The following CCDC171 variants were observed in gnomAD, a reference collection of about 807,000 sequenced individuals.
CCDC171 encodes the protein coiled-coil domain containing 171.
CCDC171 carries 177 observed loss-of-function variants against 168.2 expected under a neutral mutation model. The observed-to-expected ratio is 1.05, with a 90% CI of 0.93 to 1.19. The LOEUF (loss-of-function observed/expected upper bound fraction) is 1.19, where lower values mean the gene tolerates loss of function less well. Ranked by LOEUF, CCDC171 falls within the 50% of genes most tolerant of loss-of-function variation. The pLI, the probability that CCDC171 is intolerant of heterozygous loss-of-function variation, is 0.00. For synonymous variants in CCDC171, 687 were observed against 540.8 expected (o/e 1.27, Z -3.75); for missense variants, 1,991 against 1,539.0 (o/e 1.29, Z -4.91).
intron 3 of CCDC171, among the ~76,000 whole-genome samples, chr9:15,574,782 C>G (rs1172574722): frequency 6.6e-6 from 1 of 152,182 alleles, no homozygotes; most frequent in Non-Finnish European, 1.5e-5. Flanking sequence ...TCTTTAAAGA[C>G]TTCTGTAGGA....
At chr9:15,733,350 A>G (rs2054272420) in intron 16 of CCDC171, among the ~76,000 whole-genome samples, 1 of 152,096 alleles carries the variant, frequency 6.6e-6, no homozygotes, top group South Asian at 2.1e-4. Flanking sequence ...TACATGTAAG[A>G]ACTCTTTGCC....
chr9:16,107,944 T>A, the CCDC171 span, among the ~76,000 whole-genome samples: 1 of 152,138 alleles, frequency 6.6e-6, no homozygotes, highest in Non-Finnish European at 1.5e-5. Context: ...AATGTAACTA[T>A]TATAAAGTGA....
intron 23 of CCDC171, among the ~76,000 whole-genome samples, chr9:15,853,599 C>G (rs560016987): frequency 6.6e-6 from 1 of 151,524 alleles, no homozygotes; most frequent in East Asian, 1.9e-4. Flanking sequence ...TTTTTCTTAT[C>G]TAATTATCTG....
chr9:15,558,756 A>G (rs1465155508), intron 1 of CCDC171, among the ~76,000 whole-genome samples: 3 of 151,622 alleles, frequency 2.0e-5, no homozygotes, highest in Non-Finnish European at 1.5e-5. Flanking sequence ...GATCTTAGTT[A>G]TTTCTTGCCT....
intron 25 of CCDC171, among the ~76,000 whole-genome samples, chr9:15,944,486 C>A (rs1828070384): frequency 6.6e-6 from 1 of 151,874 alleles, no homozygotes; most frequent in African/African-American, 2.4e-5. Flanking sequence ...ATTGTCAGGG[C>A]CTTAAATGTG....
intron 16 of CCDC171, among the ~76,000 whole-genome samples, chr9:15,741,302 C>T (rs1016614661): frequency 2.6e-5 from 4 of 152,182 alleles, no homozygotes; most frequent in Admixed American, 6.5e-5. Context: ...TCCTTCTTCT[C>T]CTCAGCCTCT....
chr9:16,013,841 A>G (rs1409549084), intron 3 of CCDC171, among the ~76,000 whole-genome samples: 1 of 152,244 alleles, frequency 6.6e-6, no homozygotes, highest in Non-Finnish European at 1.5e-5. Flanking sequence ...TACTTTAATT[A>G]AAAATATTTT....
chr9:15,583,961 G>A (rs1229234791), intron 4 of CCDC171, among the ~76,000 whole-genome samples: 6 of 152,002 alleles, frequency 3.9e-5, no homozygotes, highest in Admixed American at 1.3e-4. Context: ...ACCGCCTCCC[G>A]GGTTCAAGCA....
chr9:15,753,179 A>G (rs1046724945), intron 18 of CCDC171, among the ~76,000 whole-genome samples: 1 of 152,154 alleles, frequency 6.6e-6, no homozygotes, highest in Non-Finnish European at 1.5e-5. Context: ...TAATGCTACA[A>G]GAATCTACAG....
chr9:15,792,236 A>G (rs1259001978), intron 21 of CCDC171, among the ~76,000 whole-genome samples: 3 of 152,250 alleles, frequency 2.0e-5, no homozygotes, highest in Non-Finnish European at 4.4e-5. Flanking sequence ...ATTGAAGATC[A>G]AATGAATGAA....
Position 15,729,667 on chromosome 9 carries a change from C to T in CCDC171, c.1918C>T (p.Gln640Ter). The change falls in exon 16 of 26, where the codon CAG (glutamine) becomes TAG (stop). Residue 640 changes from glutamine (Q) to a stop codon, truncating the protein, a stop_gained. Coordinates refer to ENST00000380701, the MANE Select transcript of CCDC171 (RefSeq NM_173550.4). LOFTEE classifies it high-confidence loss of function. ...GTCTGACACGATGAGAGAGCTTCAG[C>T]AGACTCAGGAAGACACCTTTACCAA... ...NKSDTMRELQ[Q>*]TQEDTFTKVA... 6.2e-7 allele frequency: 1 copy of T among 1,613,094 alleles called. No homozygotes were observed. Among genetic ancestry groups the T allele is most frequent in the Non-Finnish European group, 8.5e-7 (1 of 1,179,366 alleles).
intron 24 of CCDC171, among the ~76,000 whole-genome samples, chr9:15,876,429 G>A (rs905352881): frequency 1.3e-5 from 2 of 151,844 alleles, no homozygotes; most frequent in Non-Finnish European, 2.9e-5. Flanking sequence ...CAAATAAATG[G>A]CACTATCTCC....
At chr9:15,680,667 A>G (rs1316873679) in intron 10 of CCDC171, among the ~76,000 whole-genome samples, 1 of 152,182 alleles carries the variant, frequency 6.6e-6, no homozygotes, top group Non-Finnish European at 1.5e-5. Context: ...TGTTTTAGAA[A>G]GTTAAGAGCC....
intron 21 of CCDC171, among the ~76,000 whole-genome samples, chr9:15,792,040 G>C (rs1477975447): frequency 2.0e-5 from 3 of 152,188 alleles, no homozygotes; most frequent in African/African-American, 7.2e-5. Context: ...AAAGGAGGAA[G>C]TTGGAACCCA....
intron 16 of CCDC171, among the ~76,000 whole-genome samples, chr9:15,740,119 A>G (rs984823694): frequency 6.6e-6 from 1 of 152,130 alleles, no homozygotes; most frequent in South Asian, 2.1e-4. Flanking sequence ...TCCTATCTTT[A>G]TAACAAGATT....
chr9:16,097,883 C>T, the CCDC171 span, among the ~76,000 whole-genome samples: 1 of 152,212 alleles, frequency 6.6e-6, no homozygotes, highest in Non-Finnish European at 1.5e-5. Context: ...GACTGACTTG[C>T]ATTTCTGCCT....
intron 7 of CCDC171, among the ~76,000 whole-genome samples, chr9:15,633,159 A>C (rs1006436077): frequency 2.0e-5 from 3 of 152,244 alleles, no homozygotes; most frequent in African/African-American, 7.2e-5. Flanking sequence ...AAGAAAAGCC[A>C]AAATTGACAA....
chr9:15,959,793 C>CCA (rs1175096082), intron 25 of CCDC171, among the ~76,000 whole-genome samples: 1 of 152,004 alleles, frequency 6.6e-6, no homozygotes. Flanking sequence ...CCATGCAGAC[C>CCA]TATGGACTGG....
Position 15,553,108 on chromosome 9 carries a change from T to C in CCDC171, c.-306T>C, listed in dbSNP as rs61735484. 1.1e-3 allele frequency: 165 copies of C among 152,656 alleles called. 1 individual carries two copies. Among genetic ancestry groups the C allele is most frequent in the African/African-American group, 3.8e-3 (158 of 41,578 alleles). The allele number at this position is 152,656 out of a possible 1,614,324, so 9.5% of individuals were successfully genotyped here. A position where few individuals can be genotyped will look rare whatever the true frequency, so the allele number is the denominator to read the frequency against. On this transcript the variant is annotated 5_prime_UTR_variant, in exon 1 of 26. Coordinates refer to ENST00000380701, the MANE Select transcript of CCDC171 (RefSeq NM_173550.4). ...AGCTCCGGAAGTGGCAGTTGTAAACTTCACCTCCCGGGGGCTCTTCCCCTT... is the reference window on the plus strand; with the variant it reads ...AGCTCCGGAAGTGGCAGTTGTAAACCTCACCTCCCGGGGGCTCTTCCCCTT...
Sources: allele counts gnomAD v4.1 joint callset (sites outside exome capture counted in the v4.1 genomes callset), GRCh38; gene constraint gnomAD v4.1.1; transcripts MANE v1.5; gene names NCBI Gene and HGNC (gene_info 2026-07-23, HGNC 2026-07-21).